The following MAGI1 variants were observed in gnomAD, a reference collection of about 807,000 sequenced individuals.
MAGI1 encodes the protein membrane associated guanylate kinase, WW and PDZ domain containing 1, also known as membrane-associated guanylate kinase, WW and PDZ domain-containing protein 1.
In MAGI1, 58 loss-of-function variants were observed where a neutral mutation model predicts 139.9. The observed-to-expected ratio is 0.41, with a 90% confidence interval of 0.34 to 0.52. MAGI1 has a LOEUF of 0.52. Ranked by LOEUF, MAGI1 falls within the 20% of genes least tolerant of loss-of-function variation. The pLI is 0.12. For missense variants in MAGI1, 1,874 were observed against 1,901.6 expected (o/e 0.99, Z 0.27); for synonymous variants, 812 against 737.9 (o/e 1.10, Z -1.63).
At chr3:65,983,360 AT>A (rs2065690184) in intron 1 of MAGI1, among the ~76,000 whole-genome samples, 1 of 152,168 alleles carries the variant, frequency 6.6e-6, no homozygotes, top group Admixed American at 6.6e-5. Context: ...AAGTTCTTTT[AT>A]GTGAATAATG....
intron 1 of MAGI1, among the ~76,000 whole-genome samples, chr3:65,758,865 A>G (rs1012974435): frequency 6.6e-5 from 10 of 151,988 alleles, no homozygotes; most frequent in African/African-American, 2.4e-4. Flanking sequence ...TCCAACAAAC[A>G]CCTCCAAGAA....
At position 66,038,518 on chromosome 3, in the gene MAGI1, G is replaced by A. The variant is rs2069063405; in HGVS notation, c.-210C>T. 7 of 634,684 alleles carry A rather than the reference G, an allele frequency of 1.1e-5. No homozygotes were observed. The East Asian group carries it at 1.9e-4, about 18-fold the overall frequency. The allele number at this position is 634,684 out of a possible 1,614,324, so 39.3% of individuals were successfully genotyped here. The stretch of plus-strand genomic sequence containing the variant: ...CTTTCTGGGCTTCCCCGCGAGCCCC[G>A]CACAGGCGCCCGCGAGCTTTGTTTG... On this transcript the variant is annotated 5_prime_UTR_variant, in exon 1 of 23. Transcript: ENST00000402939.
chr3:65,622,133 C>A, intron 1 of MAGI1, 45 bp from the exon 2 acceptor site: 1 of 1,358,120 alleles, frequency 7.4e-7, no homozygotes, highest in South Asian at 1.2e-5. Context: ...AACACAGGGC[C>A]TCCTAGAAAA....
At chr3:65,561,730 T>C (rs549569798) in intron 2 of MAGI1, among the ~76,000 whole-genome samples, 29 of 152,008 alleles carry the variant, frequency 1.9e-4, no homozygotes, top group Non-Finnish European at 3.5e-4. Context: ...ATCAAATGAG[T>C]TTCTCACTTC....
chr3:65,519,855 G>C lies in MAGI1; in HGVS notation c.431-26224C>G, dbSNP rs140254671. Among the ~76,000 whole-genome samples, 57 of 152,318 alleles carry C rather than the reference G, an allele frequency of 3.7e-4. No homozygotes were observed. The East Asian group carries it at 9.6e-3, about 26-fold the overall frequency. On this transcript the variant is annotated intron_variant, in intron 2 of 22. Coordinates refer to ENST00000402939, the MANE Select transcript of MAGI1 (RefSeq NM_001033057.2). ...TGTGGAGTCCAATTCCACCCCCTGT[G>C]TATTTGTGTTGGCCTTAGTGGCTTG...
At chr3:65,848,156 C>T (rs765578065) in intron 1 of MAGI1, among the ~76,000 whole-genome samples, 6 of 152,178 alleles carry the variant, frequency 3.9e-5, no homozygotes, top group Non-Finnish European at 8.8e-5. Context: ...AGAAGCATTC[C>T]ACTTTGTCAG....
chr3:65,631,842 G>A (rs2084325970), intron 1 of MAGI1, among the ~76,000 whole-genome samples: 1 of 151,994 alleles, frequency 6.6e-6, no homozygotes, highest in Admixed American at 6.6e-5. Context: ...TGGCCAACAT[G>A]GTGAAACCCC....
At chr3:65,998,379 A>C (rs2066568895) in intron 1 of MAGI1, among the ~76,000 whole-genome samples, 1 of 152,192 alleles carries the variant, frequency 6.6e-6, no homozygotes, top group African/African-American at 2.4e-5. Flanking sequence ...TTTGTTACAT[A>C]GCTTTTTCGT....
intron 2 of MAGI1, among the ~76,000 whole-genome samples, chr3:65,578,937 GA>G (rs2081296628): frequency 6.6e-6 from 1 of 151,084 alleles, no homozygotes; most frequent in Non-Finnish European, 1.5e-5. Context: ...GAGAGAGAGA[GA>G]GAGAGAGACA....
At chr3:65,731,677 A>G (rs558766031) in intron 1 of MAGI1, among the ~76,000 whole-genome samples, 84 of 149,950 alleles carry the variant, frequency 5.6e-4, no homozygotes, top group East Asian at 1.9e-3. Flanking sequence ...AAAAAAAAAA[A>G]AAAGAAAGAA....
At chr3:65,846,988 A>AAAACAAAAC (rs1165905388) in intron 1 of MAGI1, among the ~76,000 whole-genome samples, 1 of 151,582 alleles carries the variant, frequency 6.6e-6, no homozygotes, top group Admixed American at 6.6e-5. Flanking sequence ...AAAAAAAAAA[A>AAAACAAAAC]AAAAAAAACC....
chr3:65,929,278 T>C (rs2062677956), intron 1 of MAGI1, among the ~76,000 whole-genome samples: 1 of 152,130 alleles, frequency 6.6e-6, no homozygotes, highest in Non-Finnish European at 1.5e-5. Flanking sequence ...TAACTCAAAT[T>C]CATTTCATAT....
intron 18 of MAGI1, among the ~76,000 whole-genome samples, chr3:65,366,168 A>C (rs1303914672): frequency 6.6e-6 from 1 of 152,194 alleles, no homozygotes; most frequent in East Asian, 1.9e-4. Flanking sequence ...AAGTATATGC[A>C]ATGTTTAAGC....
intron 3 of MAGI1, among the ~76,000 whole-genome samples, chr3:65,487,581 A>G (rs72896378): frequency 0.03 from 4,539 of 152,260 alleles, 202 homozygotes; most frequent in African/African-American, 0.1. Flanking sequence ...CCAGCTGTAA[A>G]GTCCTACAAC....
intron 2 of MAGI1, among the ~76,000 whole-genome samples, chr3:65,538,986 C>T (rs963493519): frequency 7.6e-5 from 9 of 118,234 alleles, no homozygotes; most frequent in South Asian, 4.8e-4. Context: ...ATACCAACTA[C>T]CATCAACCAG....
intron 1 of MAGI1, among the ~76,000 whole-genome samples, chr3:66,034,146 C>T (rs2068787648): frequency 6.6e-6 from 1 of 151,850 alleles, no homozygotes; most frequent in Admixed American, 6.6e-5. Flanking sequence ...TGGTTGTTAC[C>T]CCACCCCCCA....
Position 65,761,105 on chromosome 3 carries a change from G to A in MAGI1, c.314-139017C>T, listed in dbSNP as rs563223894. Reference sequence around the variant, plus strand: ...AAGGGGACCCTTCCACAGGATAGATGCAGCTGAACAACTTATGTGATCTGG... The same window carrying A: ...AAGGGGACCCTTCCACAGGATAGATACAGCTGAACAACTTATGTGATCTGG... On this transcript the variant is annotated intron_variant, in intron 1 of 22. Coordinates refer to ENST00000402939, the MANE Select transcript of MAGI1 (RefSeq NM_001033057.2). Among the ~76,000 whole-genome samples, 8 of 152,308 alleles carry A rather than the reference G, an allele frequency of 5.3e-5. No individual in the cohort carries two copies. In the South Asian group the frequency reaches 1.7e-3, roughly 32 times the overall value.
intron 1 of MAGI1, among the ~76,000 whole-genome samples, chr3:65,897,439 T>TG (rs2061019201): frequency 1.4e-5 from 2 of 147,666 alleles, no homozygotes; most frequent in South Asian, 4.4e-4. Flanking sequence ...GGACACAGGG[T>TG]GGGGAACATC....
intron 1 of MAGI1, among the ~76,000 whole-genome samples, chr3:65,877,549 G>C (rs543892654): frequency 6.6e-6 from 1 of 152,272 alleles, no homozygotes; most frequent in East Asian, 1.9e-4. Flanking sequence ...CTTGGAGAAA[G>C]TGTCTTAGCT....
Sources: allele counts gnomAD v4.1 joint callset (sites outside exome capture counted in the v4.1 genomes callset), GRCh38; gene constraint gnomAD v4.1.1; transcripts MANE v1.5; gene names NCBI Gene and HGNC (gene_info 2026-07-23, HGNC 2026-07-21).